PDE4B: variants seen among roughly 807,000 people sequenced by gnomAD.
The protein encoded by PDE4B is phosphodiesterase 4B.
Under a neutral mutation model 82.2 loss-of-function variants are expected in PDE4B, and 20 were observed. The observed-to-expected ratio is 0.24, with a 90% CI of 0.17 to 0.35. The LOEUF (loss-of-function observed/expected upper bound fraction) is 0.35, where lower values mean the gene tolerates loss of function less well. PDE4B is among the 10% of genes least tolerant of loss of function. PDE4B has a pLI of 1.00. For synonymous variants in PDE4B, 320 were observed against 318.9 expected, an observed-to-expected ratio of 1.00 and a Z score of -0.04; for missense variants, 655 against 907.2, an observed-to-expected ratio of 0.72 and a Z score of 3.57.
chr1:65,912,643 C>T (rs553856973), intron 1 of PDE4B, among the ~76,000 whole-genome samples: 2 of 152,244 alleles, frequency 1.3e-5, no homozygotes, highest in African/African-American at 4.8e-5. Context: ...TAAGTAATTG[C>T]CTACTAGTTT....
intron 3 of PDE4B, chr1:66,112,936 G>T (rs1250774582): frequency 6.6e-6 from 1 of 152,176 alleles, no homozygotes; most frequent in South Asian, 2.1e-4. Context: ...AGCTAGTGCT[G>T]CCCCAAGCGA....
intron 7 of PDE4B, among the ~76,000 whole-genome samples, chr1:66,319,219 A>G (rs954176383): frequency 4.6e-5 from 7 of 152,190 alleles, no homozygotes; most frequent in Non-Finnish European, 8.8e-5. Context: ...GATTTTAGCT[A>G]GTAGTGTTTC....
In PDE4B at chr1:65,969,192, G is replaced by A. The variant is rs200606817; in HGVS notation, c.281+50357G>A. 1.3e-4 allele frequency among the ~76,000 whole-genome samples: 20 copies of A among 152,228 alleles called. No homozygotes were observed. In the East Asian group the frequency reaches 3.9e-3, roughly 29 times the overall value. On this transcript the variant is annotated intron_variant, in intron 3 of 16. Transcript: ENST00000341517. Reference sequence around the variant, plus strand: ...TGACACATTCATCTTGGGTATGGATGAATTGGACTGATCACAATTACTCTG... The same window carrying A: ...TGACACATTCATCTTGGGTATGGATAAATTGGACTGATCACAATTACTCTG...
intron 1 of PDE4B, among the ~76,000 whole-genome samples, chr1:65,879,460 C>A (rs1414118327): frequency 6.6e-6 from 1 of 151,798 alleles, no homozygotes; most frequent in East Asian, 1.9e-4. Context: ...AAATAAATAA[C>A]ATATAAAACA....
intron 3 of PDE4B, among the ~76,000 whole-genome samples, chr1:66,073,043 T>C (rs1656238979): frequency 6.6e-6 from 1 of 151,668 alleles, no homozygotes; most frequent in Non-Finnish European, 1.5e-5. Context: ...TTCAGCCAGT[T>C]CCTTATAGAA....
At chr1:66,063,920 C>T (rs2100904729) in intron 3 of PDE4B, among the ~76,000 whole-genome samples, 1 of 152,014 alleles carries the variant, frequency 6.6e-6, no homozygotes, top group Middle Eastern at 3.4e-3. Flanking sequence ...TCTGAGTCCT[C>T]TGAAATGAAC....
intron 7 of PDE4B, among the ~76,000 whole-genome samples, chr1:66,319,533 A>C (rs994310275): frequency 2.6e-5 from 4 of 152,230 alleles, no homozygotes; most frequent in African/African-American, 9.6e-5. Flanking sequence ...CTGCTACCAG[A>C]GCAATAGCTC....
chr1:66,190,330 G>A (rs1455247397), intron 3 of PDE4B, among the ~76,000 whole-genome samples: 9 of 152,164 alleles, frequency 5.9e-5, no homozygotes, highest in East Asian at 5.8e-4. Context: ...CTCCAGCTGC[G>A]TGCTGGGAGA....
chr1:66,168,615 G>A (rs949822645), intron 3 of PDE4B, among the ~76,000 whole-genome samples: 5 of 152,170 alleles, frequency 3.3e-5, no homozygotes, highest in South Asian at 2.1e-4. Flanking sequence ...CGTACCTACC[G>A]TCTTGGAGAC....
At chr1:66,204,940 C>CT (rs756627979) in intron 3 of PDE4B, among the ~76,000 whole-genome samples, 11 of 152,246 alleles carry the variant, frequency 7.2e-5, no homozygotes, top group Non-Finnish European at 1.3e-4. Flanking sequence ...CTGTGTCGCT[C>CT]ATGCTGGGAG....
chr1:66,110,322 A>G (rs1645457215), intron 3 of PDE4B, among the ~76,000 whole-genome samples: 1 of 152,026 alleles, frequency 6.6e-6, no homozygotes, highest in Non-Finnish European at 1.5e-5. Flanking sequence ...AGAGCTCTTC[A>G]CTACCTCTAA....
chr1:65,975,538 A>G (rs577383133), intron 3 of PDE4B, among the ~76,000 whole-genome samples: 22 of 152,378 alleles, frequency 1.4e-4, no homozygotes, highest in African/African-American at 5.0e-4. Flanking sequence ...CTGAATGATA[A>G]TAGCCAAGAC....
intron 3 of PDE4B, among the ~76,000 whole-genome samples, chr1:65,950,126 A>G (rs1306970096): frequency 6.6e-6 from 1 of 151,962 alleles, no homozygotes; most frequent in African/African-American, 2.4e-5. Flanking sequence ...ATAGACTTGA[A>G]CCTGTCATTT....
chr1:66,062,123 A>C (rs1235995145), intron 3 of PDE4B, among the ~76,000 whole-genome samples: 1 of 152,098 alleles, frequency 6.6e-6, no homozygotes, highest in Non-Finnish European at 1.5e-5. Flanking sequence ...TTAGCATTTA[A>C]ACATTGCTGA....
intron 3 of PDE4B, among the ~76,000 whole-genome samples, chr1:66,188,075 C>G (rs1213821910): frequency 2.7e-5 from 4 of 149,850 alleles, no homozygotes; most frequent in African/African-American, 4.9e-5. Flanking sequence ...TTTATTTCTG[C>G]CTTCATTTTG....
chr1:66,212,167 G>C lies in PDE4B; in HGVS notation c.282-35293G>C, dbSNP rs563630681. Among the ~76,000 whole-genome samples the C allele has an allele frequency of 3.9e-5, 6 of 152,238 alleles. No homozygotes were observed. The South Asian group carries it at 1.2e-3, about 32-fold the overall frequency. On this transcript the variant is annotated intron_variant, in intron 3 of 16. Coordinates refer to ENST00000341517, the MANE Select transcript of PDE4B (RefSeq NM_002600.4). ...ACTGGGAAACTTTCTCTTCCCCACT[G>C]TCCTTCATGGCCAACTCTAGGTGAC...
intron 3 of PDE4B, among the ~76,000 whole-genome samples, chr1:65,980,261 T>C (rs1050803154): frequency 1.3e-5 from 2 of 152,202 alleles, no homozygotes; most frequent in East Asian, 1.9e-4. Flanking sequence ...TTTTCTGTCA[T>C]AAATTTTTCC....
chr1:66,015,198 G>A (rs779744205), intron 3 of PDE4B, among the ~76,000 whole-genome samples: 5 of 152,038 alleles, frequency 3.3e-5, no homozygotes, highest in Non-Finnish European at 5.9e-5. Flanking sequence ...AAGAAAACAA[G>A]TAAATAATTG....
intron 1 of PDE4B, among the ~76,000 whole-genome samples, chr1:65,798,942 A>G (rs999838702): frequency 6.6e-6 from 1 of 152,162 alleles, no homozygotes; most frequent in African/African-American, 2.4e-5. Context: ...TTTGAAAAAT[A>G]TTAGTACTTC....
Sources: allele counts gnomAD v4.1 joint callset (sites outside exome capture counted in the v4.1 genomes callset), GRCh38; gene constraint gnomAD v4.1.1; transcripts MANE v1.5; gene names NCBI Gene and HGNC (gene_info 2026-07-23, HGNC 2026-07-21).